The following MELK variants were observed in gnomAD, a reference collection of about 807,000 sequenced individuals.
MELK encodes the protein maternal embryonic leucine zipper kinase.
Under a neutral mutation model 85.0 loss-of-function variants are expected in MELK, and 81 were observed. The ratio of observed to expected loss-of-function variants is 0.95; its 90% CI spans 0.80 to 1.15. The LOEUF is 1.15. Among genes scored for constraint, MELK ranks in the 50% most tolerant of loss-of-function variants. The pLI, the probability that MELK is intolerant of heterozygous loss-of-function variation, is 0.00. For missense variants in MELK, 754 were observed against 777.5 expected (o/e 0.97, Z 0.36); for synonymous variants, 252 against 265.0 (o/e 0.95, Z 0.48).
At chr9:36,626,964 GA>G (rs1045934255) in intron 8 of MELK, among the ~76,000 whole-genome samples, 4,197 of 60,822 alleles carry the variant, frequency 0.069, 204 homozygotes, top group African/African-American at 0.2. Flanking sequence ...ATCTCAAGAA[GA>G]AAAAAAAAAA....
chr9:36,673,504 C>A (rs1357161182), intron 16 of MELK, among the ~76,000 whole-genome samples: 2 of 152,190 alleles, frequency 1.3e-5, no homozygotes, highest in Non-Finnish European at 2.9e-5. Flanking sequence ...TCATAGCTCA[C>A]TGCAGCCTCA....
At chr9:36,628,886 C>T (rs574491127) in intron 8 of MELK, among the ~76,000 whole-genome samples, 72 of 123,414 alleles carry the variant, frequency 5.8e-4, no homozygotes, top group African/African-American at 2.2e-3. Context: ...TTTTTTGAGA[C>T]GGAGTCTCGT....
intron 11 of MELK, among the ~76,000 whole-genome samples, chr9:36,651,045 A>G (rs1006418863): frequency 4.6e-5 from 7 of 152,264 alleles, no homozygotes; most frequent in African/African-American, 1.7e-4. Flanking sequence ...ATATTCGGCC[A>G]GCATGACCAC....
intron 5 of MELK, among the ~76,000 whole-genome samples, 192 bp downstream of exon 5, chr9:36,594,963 G>T (rs1824037126): frequency 7.9e-6 from 1 of 126,188 alleles, no homozygotes; most frequent in African/African-American, 3.1e-5. Flanking sequence ...GTCTCACTCT[G>T]TCACCCAGGC....
intron 8 of MELK, among the ~76,000 whole-genome samples, chr9:36,619,748 G>C (rs544223693): frequency 6.6e-6 from 1 of 152,196 alleles, no homozygotes; most frequent in Non-Finnish European, 1.5e-5. Flanking sequence ...TGTTTGAGTT[G>C]TGCTGAATGA....
chr9:36,666,853 T>C (rs912059366), intron 14 of MELK, among the ~76,000 whole-genome samples: 3 of 130,746 alleles, frequency 2.3e-5, no homozygotes, highest in Admixed American at 2.3e-4. Context: ...ATGTCTGTGT[T>C]TGTGTGTGTG....
chr9:36,670,976 C>T (rs754527733), intron 15 of MELK, 22 bp from the exon 16 acceptor site: 3 of 1,591,900 alleles, frequency 1.9e-6, no homozygotes, highest in South Asian at 2.3e-5. Context: ...CTACTTGTGC[C>T]TTGTTTTATG....
At chr9:36,635,248 A>G (rs932113730) in intron 10 of MELK, among the ~76,000 whole-genome samples, 7 of 151,378 alleles carry the variant, frequency 4.6e-5, no homozygotes, top group Admixed American at 4.6e-4. Context: ...GGTGCCAGCA[A>G]TTTATTTATT....
At chr9:36,599,541 C>G in intron 7 of MELK, 55 bp downstream of exon 7, 1 of 1,350,326 alleles carries the variant, frequency 7.4e-7, no homozygotes, top group African/African-American at 1.4e-5. Context: ...ATATTGGTCA[C>G]CTGTAGTGAG....
chr9:36,623,957 G>A (rs548739094), intron 8 of MELK, among the ~76,000 whole-genome samples: 1 of 152,326 alleles, frequency 6.6e-6, no homozygotes, highest in South Asian at 2.1e-4. Flanking sequence ...AGTATCAGCA[G>A]CAGCAGTCGA....
At chr9:36,648,971 GAAAA>G (rs960280555) in intron 11 of MELK, among the ~76,000 whole-genome samples, 1 of 150,926 alleles carries the variant, frequency 6.6e-6, no homozygotes, top group African/African-American at 2.4e-5. Flanking sequence ...TAGATACTGA[GAAAA>G]AAAAACCCCA....
At chr9:36,610,927 G>GT (rs1826003357) in intron 8 of MELK, among the ~76,000 whole-genome samples, 1 of 152,130 alleles carries the variant, frequency 6.6e-6, no homozygotes, top group African/African-American at 2.4e-5. Context: ...TCTAGTATAG[G>GT]TTGAGTATCC....
chr9:36,628,863 CTTTTTT>C (rs869033969), intron 8 of MELK, among the ~76,000 whole-genome samples: 3 of 127,918 alleles, frequency 2.3e-5, no homozygotes, highest in African/African-American at 9.0e-5. Context: ...TTTGTATTTT[CTTTTTT>C]TTTTTTTTTT....
At chr9:36,647,961 C>T (rs1460416647) in intron 11 of MELK, among the ~76,000 whole-genome samples, 1 of 151,960 alleles carries the variant, frequency 6.6e-6, no homozygotes, top group East Asian at 1.9e-4. Flanking sequence ...TAATAAAATT[C>T]ATTACTAAAA....
chr9:36,589,559 G>A lies in MELK; in HGVS notation c.168G>A (p.Thr56=), dbSNP rs779402420. 3.7e-6 allele frequency: 6 copies of A among 1,613,802 alleles called. No individual in the cohort carries two copies. In the African/African-American group the frequency reaches 4.0e-5, roughly 11 times the overall value. The change falls in exon 4 of 18, where the codon ACG becomes ACA. Residue 56 remains threonine (T), a synonymous_variant. Coordinates refer to ENST00000298048, the MANE Select transcript of MELK (RefSeq NM_014791.4). ...AGAGTGATTTGCCCCGGATCAAAAC[G>A]GAGATTGAGGCCTTGAAGAACCTGA... is the stretch of plus-strand genomic sequence containing the variant. ...TLGSDLPRIK[T]EIEALKNLRH... is the part of the protein sequence containing the mutation.
intron 5 of MELK, among the ~76,000 whole-genome samples, chr9:36,596,705 A>G (rs1422562421): frequency 1.4e-5 from 2 of 146,296 alleles, no homozygotes; most frequent in Non-Finnish European, 3.0e-5. Context: ...TTTTGCCTCA[A>G]CCTCCCAAGT....
intron 7 of MELK, among the ~76,000 whole-genome samples, chr9:36,606,405 GGT>G (rs1485393750): frequency 1.7e-5 from 2 of 118,426 alleles, no homozygotes; most frequent in African/African-American, 4.3e-5. Flanking sequence ...CATATGTATA[GGT>G]GTGTGTATAT....
chr9:36,662,685 A>G (rs142362560), intron 13 of MELK, among the ~76,000 whole-genome samples: 106 of 152,306 alleles, frequency 7.0e-4, no homozygotes, highest in Non-Finnish European at 1.3e-3. Context: ...ATTTTGAAAT[A>G]TTTATGGATT....
chr9:36,673,075 G>A (rs1198642669), intron 16 of MELK, among the ~76,000 whole-genome samples: 15 of 152,120 alleles, frequency 9.9e-5, no homozygotes, highest in Admixed American at 9.8e-4. Context: ...ATCATATGTA[G>A]TTATGTCCTC....
Sources: allele counts gnomAD v4.1 joint callset (sites outside exome capture counted in the v4.1 genomes callset), GRCh38; gene constraint gnomAD v4.1.1; transcripts MANE v1.5; gene names NCBI Gene and HGNC (gene_info 2026-07-23, HGNC 2026-07-21).